COL25A1: variants seen among roughly 807,000 people sequenced by gnomAD.
The protein encoded by COL25A1 is collagen type XXV alpha 1 chain, also known as collagen alpha-1(XXV) chain.
In COL25A1, 103 loss-of-function variants were observed where a neutral mutation model predicts 128.4. The observed-to-expected ratio is 0.80, with a 90% CI of 0.68 to 0.94. The LOEUF is 0.94. COL25A1 is among the 40% of genes least tolerant of loss of function. The pLI, the probability that COL25A1 is intolerant of heterozygous loss-of-function variation, is 0.00. For synonymous variants in COL25A1, 279 were observed against 277.2 expected (o/e 1.01, Z -0.06); for missense variants, 745 against 840.0 (o/e 0.89, Z 1.40).
intron 3 of COL25A1, among the ~76,000 whole-genome samples, chr4:109,205,632 T>C (rs1047912444): frequency 6.6e-6 from 1 of 152,172 alleles, no homozygotes; most frequent in Non-Finnish European, 1.5e-5. Flanking sequence ...CCCCTGATCA[T>C]TTACCCAGAC....
At position 108,940,548 on chromosome 4, in the gene COL25A1, T is replaced by C. The variant is rs1334680281; in HGVS notation, c.663A>G (p.Pro221=). The stretch of plus-strand genomic sequence containing the variant: ...CCAAAAAGCGACTCACGGGTACTCC[T>C]GGCATTCCACGGGGGCCATCTTTCC... ...DTGKDGPRGM[P]GVPGEPGKPG... The change falls in exon 10 of 38, where the codon CCA becomes CCG. Residue 221 remains proline, a synonymous_variant. Coordinates refer to ENST00000399132, the MANE Select transcript of COL25A1 (RefSeq NM_198721.4). 6.2e-7 allele frequency: 1 copy of C among 1,613,740 alleles called. No homozygotes were observed. Among genetic ancestry groups the C allele is most frequent in the South Asian group, 1.1e-5 (1 of 91,080 alleles).
Position 108,840,987 on chromosome 4 carries a change from T to C in COL25A1, c.1656+708A>G, listed in dbSNP as rs142095467. 9.3e-4 allele frequency among the ~76,000 whole-genome samples: 142 copies of C among 152,310 alleles called. 1 individual carries two copies. The highest frequency in any genetic ancestry group is 3.3e-3 in the African/African-American group (136 of 41,592). On this transcript the variant is annotated intron_variant, in intron 31 of 37. Transcript: ENST00000399132. Reference sequence around the variant, plus strand: ...GGCAAGATTGAGATTAGAACATAAGTCTTCATCACGTATGCTCCCTGAAAG... The same window carrying C: ...GGCAAGATTGAGATTAGAACATAAGCCTTCATCACGTATGCTCCCTGAAAG...
At chr4:109,221,360 T>C (rs1478603696) in intron 3 of COL25A1, among the ~76,000 whole-genome samples, 2 of 152,176 alleles carry the variant, frequency 1.3e-5, no homozygotes, top group Non-Finnish European at 2.9e-5. Flanking sequence ...CAATGAGTTC[T>C]TAAAGTGTAA....
intron 3 of COL25A1, among the ~76,000 whole-genome samples, chr4:109,060,701 C>A (rs78591883): frequency 1.6e-4 from 24 of 147,272 alleles, no homozygotes; most frequent in Middle Eastern, 3.5e-3. Flanking sequence ...AAAAAAAAAA[C>A]AAAAAAACAT....
chr4:109,076,386 T>G (rs1763375547), intron 3 of COL25A1, among the ~76,000 whole-genome samples: 1 of 152,232 alleles, frequency 6.6e-6, no homozygotes, highest in Non-Finnish European at 1.5e-5. Context: ...CCCTAGTAGC[T>G]TATTAATGTA....
intron 3 of COL25A1, among the ~76,000 whole-genome samples, chr4:109,140,915 T>C (rs1185426704): frequency 2.6e-5 from 4 of 152,326 alleles, no homozygotes; most frequent in Middle Eastern, 3.4e-3. Flanking sequence ...CCTATGTGAA[T>C]ACCCTTTATT....
At position 108,809,119 on chromosome 4, in the gene COL25A1, AT is replaced by A. The variant is rs1266086145; in HGVS notation, c.*4807del. 6.6e-6 allele frequency: 1 copy of A among 152,200 alleles called. No homozygotes were observed. The highest frequency in any genetic ancestry group is 6.5e-5 in the Admixed American group (1 of 15,284). 9.4% of individuals were successfully genotyped at this position (152,200 alleles called of 1,614,324 possible). On this transcript the variant is annotated 3_prime_UTR_variant, in exon 38 of 38. Transcript: ENST00000399132. ...TGATAAGACACAACACATTCTTAGA[AT>A]AATCAATTGTATGAGACTGGCCCAC... is the stretch of plus-strand genomic sequence containing the variant.
chr4:108,911,430 ATAG>A (rs368780264), intron 13 of COL25A1, among the ~76,000 whole-genome samples: 66,842 of 148,336 alleles, frequency 0.45, 17,775 homozygotes, highest in East Asian at 0.93. Context: ...GCAATACTCT[ATAG>A]ATTTTTCATA....
intron 3 of COL25A1, among the ~76,000 whole-genome samples, chr4:109,151,517 T>TA (rs1771504756): frequency 6.6e-6 from 1 of 152,114 alleles, no homozygotes; most frequent in Admixed American, 6.5e-5. Context: ...AACCTTATTT[T>TA]TAAAAAAAAT....
chr4:108,839,386 T>C (rs569406298), intron 31 of COL25A1, among the ~76,000 whole-genome samples: 3 of 152,300 alleles, frequency 2.0e-5, no homozygotes, highest in Admixed American at 6.5e-5. Flanking sequence ...ATTTTGAAGA[T>C]AGGATGTTTG....
At chr4:109,062,892 G>T (rs1270861651) in intron 3 of COL25A1, among the ~76,000 whole-genome samples, 1 of 152,120 alleles carries the variant, frequency 6.6e-6, no homozygotes, top group Non-Finnish European at 1.5e-5. Context: ...GAATTTGATT[G>T]TTCTCTGAAT....
At chr4:108,875,783 T>C (rs1400204485) in intron 19 of COL25A1, among the ~76,000 whole-genome samples, 1 of 152,154 alleles carries the variant, frequency 6.6e-6, no homozygotes, top group Non-Finnish European at 1.5e-5. Context: ...TGTGGCACTA[T>C]TCACAATAGC....
intron 23 of COL25A1, among the ~76,000 whole-genome samples, chr4:108,860,402 A>G (rs1737058721): frequency 6.6e-6 from 1 of 152,174 alleles, no homozygotes; most frequent in African/African-American, 2.4e-5. Context: ...TCATTCTTTA[A>G]AAAGATAGAA....
intron 3 of COL25A1, among the ~76,000 whole-genome samples, chr4:109,062,420 C>T (rs896388547): frequency 6.6e-6 from 1 of 151,930 alleles, no homozygotes; most frequent in Non-Finnish European, 1.5e-5. Context: ...AGAGGGAAAA[C>T]CTTCAAGGAA....
At chr4:109,060,715 C>T (rs1761893132) in intron 3 of COL25A1, among the ~76,000 whole-genome samples, 1 of 151,048 alleles carries the variant, frequency 6.6e-6, no homozygotes, top group Admixed American at 6.6e-5. Flanking sequence ...AAAACATTAC[C>T]TTCTTGGCAA....
At chr4:109,261,352 A>G (rs1053784278) in intron 3 of COL25A1, among the ~76,000 whole-genome samples, 13 of 152,064 alleles carry the variant, frequency 8.5e-5, no homozygotes, top group African/African-American at 2.7e-4. Flanking sequence ...CCTCATCTCT[A>G]CTAAAAATAC....
chr4:109,227,472 C>T (rs569551915), intron 3 of COL25A1, among the ~76,000 whole-genome samples: 34 of 152,294 alleles, frequency 2.2e-4, no homozygotes, highest in Non-Finnish European at 4.6e-4. Context: ...CTTCTAAACA[C>T]TTGCTGCACT....
chr4:108,898,067 T>C (rs767663503), intron 15 of COL25A1, among the ~76,000 whole-genome samples: 1 of 152,242 alleles, frequency 6.6e-6, no homozygotes, highest in Non-Finnish European at 1.5e-5. Flanking sequence ...TAATGTGTTA[T>C]GAGGGATCTT....
chr4:108,950,498 C>A (rs1428485477), intron 8 of COL25A1, among the ~76,000 whole-genome samples: 1 of 152,192 alleles, frequency 6.6e-6, no homozygotes, highest in African/African-American at 2.4e-5. Flanking sequence ...CAAAGGGCAA[C>A]AATACCTTTC....
Sources: allele counts gnomAD v4.1 joint callset (sites outside exome capture counted in the v4.1 genomes callset), GRCh38; gene constraint gnomAD v4.1.1; transcripts MANE v1.5; gene names NCBI Gene and HGNC (gene_info 2026-07-23, HGNC 2026-07-21).